The following NCOA1 variants were observed in gnomAD, a reference collection of about 807,000 sequenced individuals.
NCOA1 encodes the protein nuclear receptor coactivator 1.
In NCOA1, 35 loss-of-function variants were observed where a neutral mutation model predicts 150.9. That is an observed-to-expected ratio of 0.23 (90% CI 0.18 to 0.31). The LOEUF is 0.31. Among genes scored for constraint, NCOA1 ranks in the 10% least tolerant of loss-of-function variants. The pLI, the probability that NCOA1 is intolerant of heterozygous loss-of-function variation, is 1.00. For synonymous variants in NCOA1, 590 were observed against 630.0 expected, an observed-to-expected ratio of 0.94 and a Z score of 0.95; for missense variants, 1,491 against 1,749.3, an observed-to-expected ratio of 0.85 and a Z score of 2.63.
Position 24,518,042 on chromosome 2 carries a change from A to G in NCOA1, c.-396+26440A>G, listed in dbSNP as rs79391843. On this transcript the variant is annotated intron_variant, in intron 1 of 22. Coordinates refer to ENST00000348332, the MANE Select transcript of NCOA1 (RefSeq NM_003743.5). ...ATTCTGTTTCTCATTTAACATAACT[A>G]GTAATAACAACCATTTATTGAGTGA... Among the ~76,000 whole-genome samples the G allele has an allele frequency of 5.9e-3, 901 of 152,260 alleles. 5 individuals carry two copies. The highest frequency in any genetic ancestry group is 0.019 in the African/African-American group (801 of 41,568).
intron 2 of NCOA1, among the ~76,000 whole-genome samples, chr2:24,577,145 C>G (rs925397733): frequency 1.3e-5 from 2 of 152,060 alleles, no homozygotes; most frequent in Non-Finnish European, 2.9e-5. Context: ...AATGTTTAGG[C>G]TCTTCAAAGT....
intron 1 of NCOA1, among the ~76,000 whole-genome samples, chr2:24,550,424 A>G (rs2148219884): frequency 6.6e-6 from 1 of 152,298 alleles, no homozygotes; most frequent in East Asian, 1.9e-4. Flanking sequence ...GAAGGGGAGG[A>G]GGAGTGAGTC....
chr2:24,595,201 A>G (rs760733667), intron 3 of NCOA1, among the ~76,000 whole-genome samples: 11 of 152,046 alleles, frequency 7.2e-5, no homozygotes, highest in Non-Finnish European at 1.2e-4. Context: ...CATCTTTGCT[A>G]TTGTCTGAAA....
chr2:24,658,599 T>G, intron 4 of NCOA1, 62 bp from the exon 5 acceptor site: 2 of 1,255,932 alleles, frequency 1.6e-6, no homozygotes, highest in Non-Finnish European at 2.3e-6. Flanking sequence ...GGAGCTTCCC[T>G]ACCTTTATTT....
intron 5 of NCOA1, among the ~76,000 whole-genome samples, chr2:24,665,028 A>G (rs1671353083): frequency 6.6e-6 from 1 of 152,178 alleles, no homozygotes; most frequent in Non-Finnish European, 1.5e-5. Flanking sequence ...CATTCAGTAC[A>G]TTTGGTATAT....
At chr2:24,645,511 A>G (rs1179281580) in intron 4 of NCOA1, among the ~76,000 whole-genome samples, 3 of 91,346 alleles carry the variant, frequency 3.3e-5, no homozygotes, top group East Asian at 4.2e-4. Flanking sequence ...CTCCTCTCAG[A>G]AAAAAAAAAA....
chr2:24,506,691 G>T (rs1466995598), intron 1 of NCOA1, among the ~76,000 whole-genome samples: 1 of 151,964 alleles, frequency 6.6e-6, no homozygotes, highest in Non-Finnish European at 1.5e-5. Flanking sequence ...CCTATAATTG[G>T]CAGTATGGCA....
chr2:24,641,957 TTCGCC>T (rs1230294880), intron 3 of NCOA1, among the ~76,000 whole-genome samples: 2 of 151,852 alleles, frequency 1.3e-5, no homozygotes, highest in Non-Finnish European at 2.9e-5. Flanking sequence ...CCCAGTGTCT[TTCGCC>T]TCTCATCAAT....
At chr2:24,682,924 A>C (rs753117407) in intron 7 of NCOA1, 27 bp from the exon 8 acceptor site, 1 of 1,556,552 alleles carries the variant, frequency 6.4e-7, no homozygotes, top group Non-Finnish European at 8.6e-7. Flanking sequence ...TCAACCTCCA[A>C]ACCATTTTTT....
chr2:24,510,659 A>C (rs749147541), intron 1 of NCOA1, among the ~76,000 whole-genome samples: 1 of 152,138 alleles, frequency 6.6e-6, no homozygotes, highest in African/African-American at 2.4e-5. Context: ...GTAGTGCACT[A>C]TATTTTCGGT....
In NCOA1 at chr2:24,637,446, G is replaced by A. The variant is rs534830155; in HGVS notation, c.-174-6520G>A. On this transcript the variant is annotated intron_variant, in intron 3 of 22. Transcript: ENST00000348332. ...GCAAAGACTTGGAACCAACCCAAAT[G>A]TCCAACAATGATAGACTGGATTAAG... 1.2e-3 allele frequency among the ~76,000 whole-genome samples: 181 copies of A among 151,524 alleles called. 2 individuals are homozygous for A. In the Middle Eastern group the frequency reaches 0.034, roughly 28 times the overall value.
intron 19 of NCOA1, 120 bp downstream of exon 19, chr2:24,742,306 G>A: frequency 8.2e-7 from 1 of 1,215,614 alleles, no homozygotes; most frequent in Admixed American, 2.8e-5. Context: ...ACACTGACGT[G>A]GGAGTCTGGA....
Position 24,711,262 on chromosome 2 carries a change from G to T in NCOA1, c.2599+151G>T. 5.7e-6 allele frequency: 4 copies of T among 696,014 alleles called. No homozygotes were observed. In the Admixed American group the frequency reaches 1.1e-4, roughly 19 times the overall value. 43.1% of individuals were successfully genotyped at this position (696,014 alleles called of 1,614,324 possible). A position where few individuals can be genotyped will look rare whatever the true frequency, so the allele number is the denominator to read the frequency against. On this transcript the variant is annotated intron_variant, in intron 14 of 22. Transcript: ENST00000348332. ...TAAATAATAAAACAGTTATATTTAG[G>T]CATGTGAACATCATTCATCATGTGT... is the stretch of plus-strand genomic sequence containing the variant.
chr2:24,660,833 G>T (rs1671152555), intron 5 of NCOA1, among the ~76,000 whole-genome samples: 1 of 151,972 alleles, frequency 6.6e-6, no homozygotes, highest in African/African-American at 2.4e-5. Context: ...GCCGAGGCAG[G>T]TGGATCACCT....
chr2:24,610,207 C>T (rs1668560123), intron 3 of NCOA1, among the ~76,000 whole-genome samples: 1 of 149,184 alleles, frequency 6.7e-6, no homozygotes, highest in East Asian at 2.0e-4. Flanking sequence ...TCACTGCAAC[C>T]TCCATCTTCC....
intron 1 of NCOA1, among the ~76,000 whole-genome samples, chr2:24,515,027 G>C (rs1664106711): frequency 6.6e-6 from 1 of 152,116 alleles, no homozygotes; most frequent in African/African-American, 2.4e-5. Flanking sequence ...TGTGACCTTT[G>C]CTTGGACTCC....
intron 4 of NCOA1, among the ~76,000 whole-genome samples, chr2:24,646,930 G>A (rs1670503319): frequency 6.6e-6 from 1 of 151,878 alleles, no homozygotes; most frequent in African/African-American, 2.4e-5. Flanking sequence ...CAGAACTTTT[G>A]ATTTTGATTG....
chr2:24,668,146 A>G (rs1467830231), intron 6 of NCOA1, among the ~76,000 whole-genome samples: 3 of 152,204 alleles, frequency 2.0e-5, no homozygotes, highest in African/African-American at 7.2e-5. Flanking sequence ...ATAATAAGCA[A>G]TGGAAAATGA....
At chr2:24,682,678 G>A (rs576318917) in intron 7 of NCOA1, among the ~76,000 whole-genome samples, 1 of 152,174 alleles carries the variant, frequency 6.6e-6, no homozygotes, top group South Asian at 2.1e-4. Flanking sequence ...ATGTTAGGTA[G>A]GGGTCTGTAC....
Sources: gnomAD v4.1 joint callset for allele counts (sites outside exome capture counted in the v4.1 genomes callset) on GRCh38, gnomAD v4.1.1 for gene constraint, MANE v1.5 for transcripts, NCBI Gene and HGNC (gene_info 2026-07-23, HGNC 2026-07-21) for gene names.